Variants in SDK1 observed in about 807,000 individuals in gnomAD.
SDK1 encodes sidekick cell adhesion molecule 1.
SDK1 carries 157 observed loss-of-function variants against 245.5 expected under a neutral mutation model. The ratio of observed to expected loss-of-function variants is 0.64; its 90% CI spans 0.56 to 0.73. The LOEUF (loss-of-function observed/expected upper bound fraction) is 0.73, where lower values mean the gene tolerates loss of function less well. Ranked by LOEUF, SDK1 falls within the 30% of genes least tolerant of loss-of-function variation. The pLI is 0.00. For missense variants in SDK1, 3,583 were observed against 3,002.3 expected (o/e 1.19, Z -4.52); for synonymous variants, 1,647 against 1,278.5 (o/e 1.29, Z -6.15).
intron 4 of SDK1, among the ~76,000 whole-genome samples, chr7:3,788,062 G>A (rs968725087): frequency 6.6e-6 from 1 of 152,188 alleles, no homozygotes; most frequent in Non-Finnish European, 1.5e-5. Flanking sequence ...GCTCCGGGGA[G>A]TGGACAGTCT....
intron 1 of SDK1, among the ~76,000 whole-genome samples, chr7:3,388,652 G>A (rs953028844): frequency 3.3e-5 from 5 of 152,132 alleles, no homozygotes; most frequent in Admixed American, 1.3e-4. Flanking sequence ...AAGCTGTTTC[G>A]TGCATTAGTG....
At position 4,205,781 on chromosome 7, in the gene SDK1, G is replaced by A. The variant is rs115062376; in HGVS notation, c.5099-98G>A. The A allele has an allele frequency of 1.6e-3, 1,556 of 973,134 alleles. 15 individuals are homozygous for A. In the African/African-American group the frequency reaches 0.021, roughly 13 times the overall value. 60.3% of individuals were successfully genotyped at this position (973,134 alleles called of 1,614,324 possible). ...AGAATCTCTCACATGGTTCCCAGCG[G>A]AATTAGGGCATGCTCGAGCCCCATG... is the stretch of plus-strand genomic sequence containing the variant. On this transcript the variant is annotated intron_variant, in intron 35 of 44. Coordinates refer to ENST00000404826, the MANE Select transcript of SDK1 (RefSeq NM_152744.4).
chr7:3,879,896 C>T (rs1781164894), intron 5 of SDK1, among the ~76,000 whole-genome samples: 1 of 152,122 alleles, frequency 6.6e-6, no homozygotes, highest in African/African-American at 2.4e-5. Flanking sequence ...CCATATCTGT[C>T]TGTGGCAGGC....
At chr7:3,966,676 A>G (rs916920152) in intron 9 of SDK1, among the ~76,000 whole-genome samples, 4 of 152,030 alleles carry the variant, frequency 2.6e-5, no homozygotes, top group Middle Eastern at 3.4e-3. Context: ...GTATTCAATA[A>G]TTAGCTTTTT....
At chr7:3,333,413 C>A (rs989144159) in intron 1 of SDK1, among the ~76,000 whole-genome samples, 32 of 152,056 alleles carry the variant, frequency 2.1e-4, no homozygotes, top group Admixed American at 2.1e-3. Context: ...TTAATGAGGT[C>A]AAAGAGGTTT....
At chr7:3,805,880 T>C (rs1583432480) in intron 4 of SDK1, among the ~76,000 whole-genome samples, 1 of 152,178 alleles carries the variant, frequency 6.6e-6, no homozygotes, top group Non-Finnish European at 1.5e-5. Context: ...TTAAACCCTT[T>C]TTCTCCTTCC....
chr7:3,730,023 C>T (rs1779133048), intron 4 of SDK1, among the ~76,000 whole-genome samples: 1 of 151,600 alleles, frequency 6.6e-6, no homozygotes, highest in African/African-American at 2.4e-5. Context: ...TGTGAGAGAC[C>T]CATTATTTCA....
chr7:3,479,059 T>C (rs770445124), intron 1 of SDK1, among the ~76,000 whole-genome samples: 5 of 152,204 alleles, frequency 3.3e-5, no homozygotes, highest in East Asian at 1.9e-4. Flanking sequence ...TTAGAACTTG[T>C]TGAGACTGAC....
chr7:4,066,533 C>A lies in SDK1; in HGVS notation c.2912-1305C>A, dbSNP rs1779911225. Among the ~76,000 whole-genome samples the A allele has an allele frequency of 3.9e-5, 6 of 152,304 alleles. No homozygotes were observed. The South Asian group carries it at 1.2e-3, about 32-fold the overall frequency. ...CACAGCAGCTATGGCTATAGAGAGA[C>A]CATGGAAGGCACATGGCAGGGCTTG... is the stretch of plus-strand genomic sequence containing the variant. On this transcript the variant is annotated intron_variant, in intron 19 of 44. Transcript: ENST00000404826.
chr7:3,501,124 G>A (rs1480818783), intron 1 of SDK1, among the ~76,000 whole-genome samples: 2 of 152,156 alleles, frequency 1.3e-5, no homozygotes, highest in African/African-American at 4.8e-5. Flanking sequence ...AACATTGAAA[G>A]TCTTGAGCAT....
chr7:4,227,868 C>T (rs915642209), intron 40 of SDK1, among the ~76,000 whole-genome samples: 3 of 152,202 alleles, frequency 2.0e-5, no homozygotes, highest in African/African-American at 7.2e-5. Context: ...AACAGATGTG[C>T]CTCCTACCGC....
chr7:3,406,282 T>A (rs1779053266), intron 1 of SDK1, among the ~76,000 whole-genome samples: 3 of 152,220 alleles, frequency 2.0e-5, no homozygotes, highest in African/African-American at 7.2e-5. Flanking sequence ...GACTCTTGGC[T>A]TTAAAAACCG....
rs867747832 is a variant in SDK1, at chr7:3,919,997, T to A, written c.848-30926T>A. 5.3e-4 allele frequency among the ~76,000 whole-genome samples: 80 copies of A among 151,390 alleles called. 1 individual carries two copies. Among genetic ancestry groups the A allele is most frequent in the South Asian group, 6.4e-4 (3 of 4,724 alleles). ...CCAGCTCTGGGAAGGCTTTAGGGAG[T>A]GGATGGCAATTAGAACTTTCAGGAT... On this transcript the variant is annotated intron_variant, in intron 5 of 44. Transcript: ENST00000404826.
chr7:3,858,256 A>T (rs1454321431), intron 5 of SDK1, among the ~76,000 whole-genome samples: 1 of 152,126 alleles, frequency 6.6e-6, no homozygotes, highest in Non-Finnish European at 1.5e-5. Flanking sequence ...TTTTTTAAAA[A>T]AACACAAAAG....
chr7:3,541,927 A>G (rs1022346544), intron 1 of SDK1, among the ~76,000 whole-genome samples: 7 of 152,220 alleles, frequency 4.6e-5, no homozygotes, highest in Admixed American at 4.6e-4. Flanking sequence ...AAGAAGGACT[A>G]GATATGTCCG....
Position 3,992,100 on chromosome 7 carries a change from G to A in SDK1, c.2131+4778G>A, listed in dbSNP as rs10238295. On this transcript the variant is annotated intron_variant, in intron 14 of 44. Transcript: ENST00000404826. The stretch of plus-strand genomic sequence containing the variant: ...GCCAGCTCCTCCTGGCAGGCTGACT[G>A]GGATGCCATTCTCCTGGAAGCCGGG... Among the ~76,000 whole-genome samples the A allele has an allele frequency of 6.8e-3, 1,034 of 152,330 alleles. 11 individuals carry two copies. Among genetic ancestry groups the A allele is most frequent in the African/African-American group, 0.024 (977 of 41,574 alleles).
At chr7:4,175,244 G>C (rs1782122546) in intron 33 of SDK1, among the ~76,000 whole-genome samples, 2 of 152,338 alleles carry the variant, frequency 1.3e-5, no homozygotes, top group East Asian at 3.9e-4. Flanking sequence ...CTGCACTGTT[G>C]GCACACCCCA....
At chr7:3,550,180 T>TATCTTATACATATATAA (rs1235936305) in intron 1 of SDK1, among the ~76,000 whole-genome samples, 3 of 152,324 alleles carry the variant, frequency 2.0e-5, no homozygotes, top group African/African-American at 7.2e-5. Flanking sequence ...TACATATGTA[T>TATCTTATACATATATAA]ATCTTATACA....
chr7:3,881,733 A>G (rs1324990498), intron 5 of SDK1, among the ~76,000 whole-genome samples: 3 of 152,198 alleles, frequency 2.0e-5, no homozygotes, highest in Non-Finnish European at 4.4e-5. Flanking sequence ...TCAACAGGAA[A>G]ACACACAAAC....
Sources: allele counts gnomAD v4.1 joint callset (sites outside exome capture counted in the v4.1 genomes callset), GRCh38; gene constraint gnomAD v4.1.1; transcripts MANE v1.5; gene names NCBI Gene and HGNC (gene_info 2026-07-23, HGNC 2026-07-21).